Variants in ZBTB26 observed in about 807,000 individuals in gnomAD.
ZBTB26 encodes the protein zinc finger and BTB domain-containing protein 26.
ZBTB26 carries 12 observed loss-of-function variants against 31.6 expected under a neutral mutation model. That is an observed-to-expected ratio of 0.38 (90% CI 0.24 to 0.61). ZBTB26 has a LOEUF of 0.61. Ranked by LOEUF, ZBTB26 falls within the 20% of genes least tolerant of loss-of-function variation. The pLI, the probability that ZBTB26 is intolerant of heterozygous loss-of-function variation, is 0.60. For missense variants in ZBTB26, 311 were observed against 521.9 expected (o/e 0.60, Z 3.94); for synonymous variants, 155 against 182.9 (o/e 0.85, Z 1.23).
intron 1 of ZBTB26, among the ~76,000 whole-genome samples, chr9:122,924,619 CT>C (rs869184716): frequency 0.22 from 520 of 2,314 alleles, 4 homozygotes; most frequent in African/African-American, 0.32. Flanking sequence ...TTTCAACTTT[CT>C]TTTTTTTTTT....
chr9:122,920,693 G>A (rs1459158512), intron 1 of ZBTB26, among the ~76,000 whole-genome samples: 2 of 152,074 alleles, frequency 1.3e-5, no homozygotes, highest in Non-Finnish European at 2.9e-5. Flanking sequence ...TCTAAACTCC[G>A]TTTTAAGGAA....
intron 1 of ZBTB26, among the ~76,000 whole-genome samples, chr9:122,924,692 T>C (rs1480814170): frequency 6.6e-6 from 1 of 151,184 alleles, no homozygotes; most frequent in East Asian, 2.0e-4. Flanking sequence ...AGTGGCGTAA[T>C]CATAGCTCAC....
Position 122,918,481 on chromosome 9 carries a change from G to T in ZBTB26, c.*128C>A. 1 of 1,408,474 alleles carries T rather than the reference G, an allele frequency of 7.1e-7. No homozygotes were observed. The highest frequency in any genetic ancestry group is 9.5e-7 in the Non-Finnish European group (1 of 1,054,320). The allele number at this position is 1,408,474 out of a possible 1,614,324, so 87.2% of individuals were successfully genotyped here. On this transcript the variant is annotated 3_prime_UTR_variant, in exon 2 of 2. Transcript: ENST00000373656. ...GTGGTAAGTTGCCTGGTCTATTAGT[G>T]CTTTGACTCACTCCCTACCACCTAC...
At chr9:122,930,389 A>G (rs762607219) in intron 1 of ZBTB26, among the ~76,000 whole-genome samples, 12 of 152,152 alleles carry the variant, frequency 7.9e-5, no homozygotes, top group Non-Finnish European at 1.8e-4. Flanking sequence ...CTCCTTACCA[A>G]TGACACCATT....
At chr9:122,930,977 T>C (rs986086158) in intron 1 of ZBTB26, 11 of 152,268 alleles carry the variant, frequency 7.2e-5, no homozygotes, top group African/African-American at 2.7e-4. Flanking sequence ...ATCTCCAGTG[T>C]CTGGTATAGC....
chr9:122,926,233 G>C (rs371053523), intron 1 of ZBTB26, among the ~76,000 whole-genome samples: 1 of 151,654 alleles, frequency 6.6e-6, no homozygotes, highest in East Asian at 2.0e-4. Flanking sequence ...TGTGTAACTC[G>C]GCTAGGTGCG....
rs1588127822 is a variant in ZBTB26 at position 122,916,108 on chromosome 9, C to T, written c.*2501G>A. On this transcript the variant is annotated 3_prime_UTR_variant, in exon 2 of 2. Transcript: ENST00000373656. ...AAATTAGAAAAATGTCTCACAGAAA[C>T]AGAACACCTCTCCAGCCAAAAATGG... is the stretch of plus-strand genomic sequence containing the variant. 6.6e-6 allele frequency: 1 copy of T among 152,160 alleles called. No individual in the cohort carries two copies. The highest frequency in any genetic ancestry group is 2.4e-5 in the African/African-American group (1 of 41,438). The allele number at this position is 152,160 out of a possible 1,614,324, so 9.4% of individuals were successfully genotyped here.
chr9:122,929,239 G>A (rs1330486864), intron 1 of ZBTB26, among the ~76,000 whole-genome samples: 4 of 152,178 alleles, frequency 2.6e-5, no homozygotes, highest in African/African-American at 9.7e-5. Context: ...GCATGAAAGT[G>A]GAAGAAATTA....
chr9:122,928,356 A>G (rs1203153006), intron 1 of ZBTB26, among the ~76,000 whole-genome samples: 3 of 151,990 alleles, frequency 2.0e-5, no homozygotes, highest in Admixed American at 2.0e-4. Context: ...GCTGGAGTGC[A>G]GTGGTGTGAT....
chr9:122,923,954 A>G, intron 1 of ZBTB26, among the ~76,000 whole-genome samples: 1 of 152,196 alleles, frequency 6.6e-6, no homozygotes, highest in Non-Finnish European at 1.5e-5. Context: ...TACAGTATTC[A>G]GTATAGTAAC....
At chr9:122,929,116 A>G (rs959286901) in intron 1 of ZBTB26, among the ~76,000 whole-genome samples, 2 of 152,204 alleles carry the variant, frequency 1.3e-5, no homozygotes, top group Admixed American at 1.3e-4. Context: ...GGAGGGCATG[A>G]TCATGAGTCT....
At chr9:122,930,863 A>G (rs1186883391) in intron 1 of ZBTB26, among the ~76,000 whole-genome samples, 1 of 152,248 alleles carries the variant, frequency 6.6e-6, no homozygotes, top group Non-Finnish European at 1.5e-5. Context: ...CAATTAACAC[A>G]TATGTGACTG....
intron 1 of ZBTB26, among the ~76,000 whole-genome samples, chr9:122,929,850 A>T (rs965253369): frequency 1.3e-5 from 2 of 152,228 alleles, no homozygotes; most frequent in African/African-American, 4.8e-5. Context: ...AAGTCTCCAG[A>T]TGCTCTGCAT....
chr9:122,928,348 T>C (rs912707025), intron 1 of ZBTB26, among the ~76,000 whole-genome samples: 5 of 152,202 alleles, frequency 3.3e-5, no homozygotes, highest in African/African-American at 1.2e-4. Flanking sequence ...TTGCCCAGGC[T>C]GGAGTGCAGT....
chr9:122,920,437 T>G (rs189514818), intron 1 of ZBTB26, among the ~76,000 whole-genome samples: 39 of 152,332 alleles, frequency 2.6e-4, no homozygotes, highest in Admixed American at 2.4e-3. Context: ...AATCATTCAG[T>G]AAAAACTGGT....
At chr9:122,920,247 C>T (rs1833076197) in intron 1 of ZBTB26, among the ~76,000 whole-genome samples, 1 of 152,220 alleles carries the variant, frequency 6.6e-6, no homozygotes, top group African/African-American at 2.4e-5. Flanking sequence ...CCAAGAGTAT[C>T]TTTTAACTTC....
At chr9:122,923,422 A>G (rs916173427) in intron 1 of ZBTB26, among the ~76,000 whole-genome samples, 1 of 152,228 alleles carries the variant, frequency 6.6e-6, no homozygotes, top group Non-Finnish European at 1.5e-5. Flanking sequence ...GTGAGTATCA[A>G]ACATGAAGGG....
chr9:122,921,642 A>G (rs1006320440), intron 1 of ZBTB26, among the ~76,000 whole-genome samples: 5 of 152,162 alleles, frequency 3.3e-5, no homozygotes, highest in African/African-American at 1.2e-4. Context: ...TTAAAACACT[A>G]CTTTCTAGGC....
At chr9:122,921,065 G>C (rs535550907) in intron 1 of ZBTB26, among the ~76,000 whole-genome samples, 6 of 152,202 alleles carry the variant, frequency 3.9e-5, no homozygotes, top group South Asian at 4.2e-4. Context: ...TCATAATTAA[G>C]GTAAACACTG....
Sources: allele counts gnomAD v4.1 joint callset (sites outside exome capture counted in the v4.1 genomes callset), GRCh38; gene constraint gnomAD v4.1.1; transcripts MANE v1.5; gene names NCBI Gene and HGNC (gene_info 2026-07-23, HGNC 2026-07-21).